PHF3: variants seen among roughly 807,000 people sequenced by gnomAD.
PHF3 encodes the protein PHD finger protein 3.
Under a neutral mutation model 178.4 loss-of-function variants are expected in PHF3, and 41 were observed. The ratio of observed to expected loss-of-function variants is 0.23; its 90% CI spans 0.18 to 0.30. PHF3 has a LOEUF of 0.30. PHF3 is among the 10% of genes least tolerant of loss of function. The probability of loss-of-function intolerance (pLI) is 1.00; values close to 1 mark genes in which losing one functional copy is unlikely to be tolerated. For synonymous variants in PHF3, 842 were observed against 800.5 expected, an observed-to-expected ratio of 1.05 and a Z score of -0.88; for missense variants, 2,346 against 2,398.1, an observed-to-expected ratio of 0.98 and a Z score of 0.45.
Position 63,684,665 on chromosome 6 carries a change from A to G in PHF3, c.943A>G (p.Thr315Ala), listed in dbSNP as rs1356852556. ...GACTGTTGTTGAAGAAATGATAGCA[A>G]CAAGAAAAGTTGAACAAGATTCAAA... The part of the protein sequence containing the change: ...GETVVEEMIA[T>A]RKVEQDSKET... Residue 315 changes from threonine to alanine, a missense_variant, in exon 4 of 16, where the codon ACA (threonine) becomes GCA (alanine). Transcript: ENST00000262043. The G allele has an allele frequency of 1.9e-6, 3 of 1,613,868 alleles. No homozygotes were observed. The highest frequency in any genetic ancestry group is 2.5e-6 in the Non-Finnish European group (3 of 1,179,896).
At chr6:63,664,746 A>T (rs1765608077) in intron 2 of PHF3, among the ~76,000 whole-genome samples, 1 of 152,102 alleles carries the variant, frequency 6.6e-6, no homozygotes, top group African/African-American at 2.4e-5. Flanking sequence ...TTTTTTACAT[A>T]TCTGGTTCCA....
intron 6 of PHF3, among the ~76,000 whole-genome samples, chr6:63,695,916 A>T (rs1767211573): frequency 6.6e-6 from 1 of 152,214 alleles, no homozygotes; most frequent in East Asian, 1.9e-4. Context: ...AGACATCGAG[A>T]TGGAAATGTT....
intron 5 of PHF3, among the ~76,000 whole-genome samples, chr6:63,692,368 T>C (rs1162866221): frequency 6.6e-6 from 1 of 152,154 alleles, no homozygotes; most frequent in Non-Finnish European, 1.5e-5. Flanking sequence ...TAAGTTGTTT[T>C]AAAAAAGCTT....
At chr6:63,683,412 T>C (rs977333458) in intron 3 of PHF3, among the ~76,000 whole-genome samples, 5 of 152,120 alleles carry the variant, frequency 3.3e-5, no homozygotes, top group African/African-American at 1.2e-4. Context: ...AATGAAACTC[T>C]TTTCATTTAA....
At chr6:63,709,892 C>G (rs1767855696) in intron 14 of PHF3, among the ~76,000 whole-genome samples, 1 of 152,112 alleles carries the variant, frequency 6.6e-6, no homozygotes, top group Non-Finnish European at 1.5e-5. Context: ...TAATATTTCT[C>G]CTTTTCCTTT....
In PHF3 at chr6:63,714,197, AG is replaced by A. The variant is rs1225282911; in HGVS notation, c.*490del. 6.5e-6 allele frequency: 1 copy of A among 153,098 alleles called. No homozygotes were observed. The highest frequency in any genetic ancestry group is 1.5e-5 in the Non-Finnish European group (1 of 68,454). The allele number at this position is 153,098 out of a possible 1,614,324, so 9.5% of individuals were successfully genotyped here. ...CATAATCAGATTATGCTAATCATTT[AG>A]TTGAGCAGTTTTTGACCAAGAATCA... On this transcript the variant is annotated 3_prime_UTR_variant, in exon 16 of 16. Transcript: ENST00000262043.
chr6:63,682,084 C>G (rs941983605), intron 3 of PHF3, among the ~76,000 whole-genome samples: 12 of 152,084 alleles, frequency 7.9e-5, no homozygotes, highest in Non-Finnish European at 7.4e-5. Context: ...ACTTTACAGC[C>G]AGTCTCAACT....
Position 63,720,916 on chromosome 6 carries a change from ATG to A in PHF3, c.*7211_*7212del. The A allele has an allele frequency of 6.4e-7, 1 of 1,551,040 alleles. No individual in the cohort carries two copies. The highest frequency in any genetic ancestry group is 8.7e-7 in the Non-Finnish European group (1 of 1,146,516). On this transcript the variant is annotated 3_prime_UTR_variant, in exon 16 of 16. Transcript: ENST00000262043. ...ACATGGTGCCATTTATTACAACAGA[ATG>A]TGCCATTGTTATAGCTCATAGGCAC...
intron 4 of PHF3, among the ~76,000 whole-genome samples, chr6:63,689,097 A>AT (rs1766879940): frequency 1.3e-5 from 2 of 152,224 alleles, no homozygotes; most frequent in South Asian, 4.1e-4. Context: ...CATATGCTAG[A>AT]TTTTTATTGC....
intron 3 of PHF3, among the ~76,000 whole-genome samples, chr6:63,683,583 ATGG>A (rs1766534466): frequency 6.6e-6 from 1 of 152,090 alleles, no homozygotes; most frequent in Admixed American, 6.5e-5. Flanking sequence ...TAATGCTAAA[ATGG>A]TGACCTAAGG....
chr6:63,711,360 C>G lies in PHF3; in HGVS notation c.3995C>G (p.Pro1332Arg), dbSNP rs758455401. The G allele has an allele frequency of 3.1e-6, 5 of 1,601,700 alleles. No individual in the cohort carries two copies. The highest frequency in any genetic ancestry group is 1.7e-4 in the Middle Eastern group (1 of 5,992). The change falls in exon 15 of 16, where the codon CCT (proline) becomes CGT (arginine). Residue 1332 changes from proline to arginine, a missense_variant and splice_region_variant. Pro to Arg is a moderately radical substitution (Grantham distance 103). Transcript: ENST00000262043. ...IPHPLVPFDG[P>R]GLELHRPNLL... Reference sequence around the variant, plus strand: ...CACCCTCTTGTGCCTTTTGATGGACCTGGTAGGTATACGTTTTAATAATAG... The same window carrying G: ...CACCCTCTTGTGCCTTTTGATGGACGTGGTAGGTATACGTTTTAATAATAG...
chr6:63,651,153 T>C (rs1765004088), intron 2 of PHF3, among the ~76,000 whole-genome samples: 1 of 152,206 alleles, frequency 6.6e-6, no homozygotes, highest in South Asian at 2.1e-4. Context: ...TACAGTAATA[T>C]TTTTATGCAT....
chr6:63,684,640 G>A lies in PHF3; in HGVS notation c.918G>A (p.Glu306=), dbSNP rs1766594961. ...QNDSISGKTG[E]TVVEEMIATR... ...ATTCCATTTCAGGTAAAACGGGTGA[G>A]ACTGTTGTTGAAGAAATGATAGCAA... Residue 306 remains glutamate, a synonymous_variant, in exon 4 of 16, where the codon GAG becomes GAA. Coordinates refer to ENST00000262043, the MANE Select transcript of PHF3 (RefSeq NM_001370348.2). The A allele has an allele frequency of 1.9e-6, 3 of 1,613,848 alleles. No individual in the cohort carries two copies. Among genetic ancestry groups the A allele is most frequent in the Non-Finnish European group, 2.5e-6 (3 of 1,179,926 alleles).
At position 63,667,695 on chromosome 6, in the gene PHF3, C is replaced by T. The variant is rs371929547; in HGVS notation, c.245-12305C>T. On this transcript the variant is annotated intron_variant, in intron 2 of 15. Coordinates refer to ENST00000262043, the MANE Select transcript of PHF3 (RefSeq NM_001370348.2). ...CTAGTTTGGCATTTAGTTGTATTTC[C>T]GAAGTCTCTGCACTCCTTTTTCCAT... 1.1e-4 allele frequency among the ~76,000 whole-genome samples: 17 copies of T among 152,244 alleles called. No homozygotes were observed. The East Asian group carries it at 2.5e-3, about 22-fold the overall frequency.
At chr6:63,649,899 A>G (rs1451043370) in intron 2 of PHF3, among the ~76,000 whole-genome samples, 2 of 152,198 alleles carry the variant, frequency 1.3e-5, no homozygotes, top group East Asian at 3.8e-4. Flanking sequence ...ATACCACTTG[A>G]GGAGTGTATT....
Position 63,718,571 on chromosome 6 carries a change from T to C in PHF3, c.*4863T>C, listed in dbSNP as rs1406155660. Among the ~76,000 whole-genome samples, 12 of 152,050 alleles carry C rather than the reference T, an allele frequency of 7.9e-5. No individual in the cohort carries two copies. The highest frequency in any genetic ancestry group is 7.9e-4 in the Admixed American group (12 of 15,216). ...TTCCAATTTCTGACTTAGGGCTGGA[T>C]TCTCTTACCTGCCCTGCATTCAGTG... On this transcript the variant is annotated 3_prime_UTR_variant, in exon 16 of 16. Transcript: ENST00000262043.
intron 2 of PHF3, among the ~76,000 whole-genome samples, chr6:63,653,543 C>T (rs1445714649): frequency 6.6e-6 from 1 of 151,986 alleles, no homozygotes; most frequent in East Asian, 1.9e-4. Flanking sequence ...ATTTTGTATC[C>T]TACAAGTTTA....
rs755153553 is a variant in PHF3, at chr6:63,720,403, A to G, written c.*6695A>G. 3.3e-5 allele frequency: 17 copies of G among 514,420 alleles called. No homozygotes were observed. The highest frequency in any genetic ancestry group is 2.2e-4 in the South Asian group (6 of 27,178). The allele number at this position is 514,420 out of a possible 1,614,324, so 31.9% of individuals were successfully genotyped here. On this transcript the variant is annotated 3_prime_UTR_variant, in exon 16 of 16. Transcript: ENST00000262043. ...AAAACATGAATCAAAATATATACAG[A>G]TAAATTAGATGTAGGAAAAACAATC...
intron 2 of PHF3, among the ~76,000 whole-genome samples, chr6:63,671,463 A>G (rs143840981): frequency 1.1e-4 from 16 of 152,108 alleles, no homozygotes; most frequent in African/African-American, 3.9e-4. Context: ...GAAAATGTCT[A>G]ATTGCTTTTT....
Sources: allele counts gnomAD v4.1 joint callset (sites outside exome capture counted in the v4.1 genomes callset), GRCh38; gene constraint gnomAD v4.1.1; transcripts MANE v1.5; gene names NCBI Gene and HGNC (gene_info 2026-07-23, HGNC 2026-07-21).